Variants in NDUFV1 observed in about 807,000 individuals in gnomAD.
The protein encoded by NDUFV1 is NADH:ubiquinone oxidoreductase core subunit V1, also known as NADH dehydrogenase [ubiquinone] flavoprotein 1, mitochondrial.
A neutral mutation model predicts 48.7 loss-of-function variants in NDUFV1; 41 were observed. The observed-to-expected ratio is 0.84, with a 90% CI of 0.66 to 1.09. The LOEUF (loss-of-function observed/expected upper bound fraction) is 1.09, where lower values mean the gene tolerates loss of function less well. NDUFV1 is among the 50% of genes least tolerant of loss of function. The pLI, the probability that NDUFV1 is intolerant of heterozygous loss-of-function variation, is 0.00. For synonymous variants in NDUFV1, 231 were observed against 259.1 expected (o/e 0.89, Z 1.04); for missense variants, 580 against 645.4 (o/e 0.90, Z 1.10).
chr11:67,607,053 T>A lies in NDUFV1; in HGVS notation c.49T>A (p.Ser17Thr). 1 of 1,608,756 alleles carries A rather than the reference T, an allele frequency of 6.2e-7. No individual in the cohort carries two copies. Among genetic ancestry groups the A allele is most frequent in the Non-Finnish European group, 8.5e-7 (1 of 1,179,206 alleles). ...LLGWSLPARV[S>T]VRFSGDTTAP... Reference sequence around the variant, plus strand: ...CGGCTGGTCGCTTCCCGCGCGGGTATCTGTGCGTTTCAGCGGCGACACGGT... The same window carrying A: ...CGGCTGGTCGCTTCCCGCGCGGGTAACTGTGCGTTTCAGCGGCGACACGGT... Residue 17 changes from serine to threonine, a missense_variant, in exon 1 of 10, where the codon TCT becomes ACT. Physicochemically the swap from Ser to Thr is moderately conservative, Grantham distance 58 (BLOSUM62 1). Coordinates refer to ENST00000322776, the MANE Select transcript of NDUFV1 (RefSeq NM_007103.4).
At chr11:67,608,007 G>A (rs1399294946) in intron 1 of NDUFV1, among the ~76,000 whole-genome samples, 1 of 151,946 alleles carries the variant, frequency 6.6e-6, no homozygotes, top group Non-Finnish European at 1.5e-5. Flanking sequence ...CGGGCGGATC[G>A]CTTGAGGTCA....
At chr11:67,610,764 C>G in intron 5 of NDUFV1, 194 bp downstream of exon 5, 1 of 817,972 alleles carries the variant, frequency 1.2e-6, no homozygotes, top group Non-Finnish European at 2.0e-6. Flanking sequence ...CCCCTCCGCA[C>G]CAGTGCTGCT....
intron 4 of NDUFV1, 69 bp downstream of exon 4, chr11:67,609,704 C>A: frequency 6.4e-7 from 1 of 1,553,610 alleles, no homozygotes; most frequent in Non-Finnish European, 8.8e-7. Flanking sequence ...TCACCCAGCA[C>A]AGTTGTTCTG....
intron 1 of NDUFV1, chr11:67,607,578 C>CT (rs1361792089): frequency 2.3e-6 from 1 of 435,828 alleles, no homozygotes; most frequent in African/African-American, 2.0e-5. Flanking sequence ...GGAGGCATTT[C>CT]TTTCCCATCA....
Position 67,611,993 on chromosome 11 carries a change from G to A in NDUFV1, c.1162+15G>A. ...ATGCCGTGAGGGTGAGCATCGGGCA[G>A]GTTGGGGGCTTGCTTGCTGTGGCTT... On this transcript the variant is annotated intron_variant, in intron 8 of 9. Coordinates refer to ENST00000322776, the MANE Select transcript of NDUFV1 (RefSeq NM_007103.4). The surrounding 1 kb of genome is among the most constrained non-coding windows in gnomAD (Gnocchi z 4.2). 1.2e-6 allele frequency: 2 copies of A among 1,613,904 alleles called. No homozygotes were observed. The highest frequency in any genetic ancestry group is 1.7e-6 in the Non-Finnish European group (2 of 1,179,994).
In NDUFV1 at chr11:67,612,025, ACCT is replaced by A. The variant is rs762468629; in HGVS notation, c.1162+53_1162+55del. On this transcript the variant is annotated intron_variant, in intron 8 of 9. Transcript: ENST00000322776. The surrounding 1 kb of genome is among the most constrained non-coding windows in gnomAD (Gnocchi z 4.4). ...GGCTTGCTTGCTGTGGCTTCATTTA[ACCT>A]CCTCCCCACCACGTGGCCTGCAGCC... 1.1e-5 allele frequency: 17 copies of A among 1,611,834 alleles called. No individual in the cohort carries two copies. Among genetic ancestry groups the A allele is most frequent in the Non-Finnish European group, 1.4e-5 (17 of 1,179,558 alleles).
rs371709474 is a variant in NDUFV1, at chr11:67,610,975, C to A, written c.701-20C>A. The A allele has an allele frequency of 1.2e-6, 2 of 1,613,750 alleles. No individual in the cohort carries two copies. Among genetic ancestry groups the A allele is most frequent in the East Asian group, 2.2e-5 (1 of 44,882 alleles). On this transcript the variant is annotated intron_variant, in intron 5 of 9. Coordinates refer to ENST00000322776, the MANE Select transcript of NDUFV1 (RefSeq NM_007103.4). The stretch of plus-strand genomic sequence containing the variant: ...CCCCACCCCCTAGCAGCCACCAGTT[C>A]TCTTCCCATTTCCCTGAAGGAGTGT...
In NDUFV1 at chr11:67,612,034, C is replaced by A. The variant is rs185731653; in HGVS notation, c.1162+56C>A. ...GCTGTGGCTTCATTTAACCTCCTCC[C>A]CACCACGTGGCCTGCAGCCCTCAAG... On this transcript the variant is annotated intron_variant, in intron 8 of 9. Transcript: ENST00000322776. This position sits in a 1 kb window ranked among gnomAD's most constrained non-coding sequence, Gnocchi z 4.4. The A allele has an allele frequency of 6.2e-7, 1 of 1,613,508 alleles. No homozygotes were observed. Among genetic ancestry groups the A allele is most frequent in the East Asian group, 2.2e-5 (1 of 44,834 alleles).
At chr11:67,607,565 TAAG>T in intron 1 of NDUFV1, 1 of 442,684 alleles carries the variant, frequency 2.3e-6, no homozygotes, top group Non-Finnish European at 4.5e-6. Context: ...ACCTGTGTGT[TAAG>T]GAGGCATTTC....
rs1209925461 is a variant in NDUFV1 at position 67,612,362 on chromosome 11, C to T, written c.1309-10C>T. On this transcript the variant is annotated splice_polypyrimidine_tract_variant and intron_variant, in intron 9 of 9. Transcript: ENST00000322776. This position sits in a 1 kb window ranked among gnomAD's most constrained non-coding sequence, Gnocchi z 4.4. ...GACTCTGTTTCACATGGTCCCCCCA[C>T]CGACCCCAGGGTCTGATCCGCCACT... is the stretch of plus-strand genomic sequence containing the variant. The T allele has an allele frequency of 6.2e-7, 1 of 1,613,694 alleles. No individual in the cohort carries two copies.
intron 4 of NDUFV1, chr11:67,609,884 A>G: frequency 2.1e-6 from 1 of 481,498 alleles, no homozygotes; most frequent in Non-Finnish European, 3.7e-6. Context: ...TAAAACAAGT[A>G]GCAAGAAGAA....
At position 67,606,948 on chromosome 11, in the gene NDUFV1, C is replaced by T; in HGVS notation, c.-57C>T. Reference sequence around the variant, plus strand: ...ACCTAGCGTCTCTATCGCGCCAGTTCCTCAGCCTCAGTGCTATGAAGGTGA... The same window carrying T: ...ACCTAGCGTCTCTATCGCGCCAGTTTCTCAGCCTCAGTGCTATGAAGGTGA... On this transcript the variant is annotated 5_prime_UTR_variant, in exon 1 of 10. Coordinates refer to ENST00000322776, the MANE Select transcript of NDUFV1 (RefSeq NM_007103.4). 4.5e-6 allele frequency: 7 copies of T among 1,567,512 alleles called. No individual in the cohort carries two copies. Among genetic ancestry groups the T allele is most frequent in the Non-Finnish European group, 6.1e-6 (7 of 1,152,516 alleles).
In NDUFV1 at chr11:67,612,046, C is replaced by G; in HGVS notation, c.1162+68C>G. On this transcript the variant is annotated intron_variant, in intron 8 of 9. Transcript: ENST00000322776. This position sits in a 1 kb window ranked among gnomAD's most constrained non-coding sequence, Gnocchi z 4.4. Reference sequence around the variant, plus strand: ...TTTAACCTCCTCCCCACCACGTGGCCTGCAGCCCTCAAGCGCCGCCCCACA... The same window carrying G: ...TTTAACCTCCTCCCCACCACGTGGCGTGCAGCCCTCAAGCGCCGCCCCACA... 6.2e-7 allele frequency: 1 copy of G among 1,613,632 alleles called. No homozygotes were observed. Among genetic ancestry groups the G allele is most frequent in the Admixed American group, 1.7e-5 (1 of 60,016 alleles).
Position 67,611,461 on chromosome 11 carries a change from C to T in NDUFV1, c.972C>T (p.Thr324=), listed in dbSNP as rs1018179634. 3 of 1,614,134 alleles carry T rather than the reference C, an allele frequency of 1.9e-6. No individual in the cohort carries two copies. The highest frequency in any genetic ancestry group is 2.5e-6 in the Non-Finnish European group (3 of 1,180,006). Residue 324 remains threonine, a synonymous_variant, in exon 7 of 10, where the codon ACC becomes ACT. Coordinates refer to ENST00000322776, the MANE Select transcript of NDUFV1 (RefSeq NM_007103.4). The surrounding 1 kb of genome is among the most constrained non-coding windows in gnomAD (Gnocchi z 4.2). ...CTGTGATCCCTGGCGGCTCGTCTACCCCACTGATCCCCAAGTCTGTGTGTG... is the reference window on the plus strand; with the variant it reads ...CTGTGATCCCTGGCGGCTCGTCTACTCCACTGATCCCCAAGTCTGTGTGTG... ...LLAVIPGGSS[T]PLIPKSVCET...
In NDUFV1 at chr11:67,611,383, G is replaced by A; in HGVS notation, c.914-20G>A. Reference sequence around the variant, plus strand: ...CAGCCCTGACCATGCATCCCTTTGGGGACCGACTTGGGGCCCCAGGGGGTG... The same window carrying A: ...CAGCCCTGACCATGCATCCCTTTGGAGACCGACTTGGGGCCCCAGGGGGTG... On this transcript the variant is annotated intron_variant, in intron 6 of 9. Coordinates refer to ENST00000322776, the MANE Select transcript of NDUFV1 (RefSeq NM_007103.4). The surrounding 1 kb of genome is among the most constrained non-coding windows in gnomAD (Gnocchi z 4.2). The A allele has an allele frequency of 1.9e-6, 3 of 1,612,328 alleles. No individual in the cohort carries two copies. In the East Asian group the frequency reaches 6.7e-5, roughly 36 times the overall value.
chr11:67,612,149 C>T lies in NDUFV1; in HGVS notation c.1192C>T (p.Arg398Cys), dbSNP rs749790196. ...GVDWMNKVMA[R>C]FVRGDARPAE... ...GGACTGGATGAACAAGGTGATGGCA[C>T]GTTTCGTGAGGGGGGATGCCCGGCC... The change falls in exon 9 of 10, where the codon CGT becomes TGT. Residue 398 changes from arginine to cysteine, a missense_variant. Arg to Cys is a radical substitution (Grantham distance 180). Coordinates refer to ENST00000322776, the MANE Select transcript of NDUFV1 (RefSeq NM_007103.4). The surrounding 1 kb of genome is among the most constrained non-coding windows in gnomAD (Gnocchi z 4.4). 34 of 1,613,412 alleles carry T rather than the reference C, an allele frequency of 2.1e-5. No individual in the cohort carries two copies. The highest frequency in any genetic ancestry group is 4.0e-5 in the African/African-American group (3 of 74,730).
In NDUFV1 at chr11:67,611,041, A is replaced by G. The variant is rs1415453051; in HGVS notation, c.747A>G (p.Ala249=). Residue 249 remains alanine (A), a synonymous_variant, in exon 6 of 10, where the codon GCA becomes GCG. Transcript: ENST00000322776. This position sits in a 1 kb window ranked among gnomAD's most constrained non-coding sequence, Gnocchi z 4.2. ...CTGTGGCCAACGTGGAGACAGTGGC[A>G]GTGTCCCCCACAATCTGCCGCCGTG... The part of the protein sequence containing the change: ...PTTVANVETV[A]VSPTICRRGG... The G allele has an allele frequency of 1.2e-6, 2 of 1,614,104 alleles. No homozygotes were observed. The highest frequency in any genetic ancestry group is 1.7e-6 in the Non-Finnish European group (2 of 1,180,056).
chr11:67,607,816 T>C (rs558662531), intron 1 of NDUFV1, among the ~76,000 whole-genome samples: 2 of 152,346 alleles, frequency 1.3e-5, no homozygotes, highest in South Asian at 4.1e-4. Context: ...CTCCTTTTGC[T>C]CCAAGCCTCA....
Position 67,612,494 on chromosome 11 carries a change from T to G in NDUFV1, c.*36T>G. 6.3e-7 allele frequency: 1 copy of G among 1,594,644 alleles called. No homozygotes were observed. Among genetic ancestry groups the G allele is most frequent in the Non-Finnish European group, 8.5e-7 (1 of 1,169,824 alleles). ...TGGCCTGCTGTCCTGCGTCTATCCA[T>G]GTGGAATGCTGGACAATAAAGCGAG... On this transcript the variant is annotated 3_prime_UTR_variant, in exon 10 of 10. Transcript: ENST00000322776. This position sits in a 1 kb window ranked among gnomAD's most constrained non-coding sequence, Gnocchi z 4.4.
Sources: gnomAD v4.1 joint callset for allele counts (sites outside exome capture counted in the v4.1 genomes callset) on GRCh38, gnomAD v4.1.1 for gene constraint, Gnocchi (gnomAD v3.1) non-coding constraint, MANE v1.5 for transcripts, NCBI Gene and HGNC (gene_info 2026-07-23, HGNC 2026-07-21) for gene names.